Variants in LRRK2 observed in about 807,000 individuals in gnomAD.
LRRK2 encodes the protein leucine rich repeat kinase 2, also known as leucine-rich repeat serine/threonine-protein kinase 2.
Under a neutral mutation model 302.6 loss-of-function variants are expected in LRRK2, and 203 were observed. The ratio of observed to expected loss-of-function variants is 0.67; its 90% CI spans 0.60 to 0.75. The LOEUF (loss-of-function observed/expected upper bound fraction) is 0.75, where lower values mean the gene tolerates loss of function less well. LRRK2 is among the 30% of genes least tolerant of loss of function. The probability of loss-of-function intolerance (pLI) is 0.00; values close to 1 mark genes in which losing one functional copy is unlikely to be tolerated. For missense variants in LRRK2, 2,830 were observed against 2,951.0 expected (o/e 0.96, Z 0.95); for synonymous variants, 1,066 against 1,031.9 (o/e 1.03, Z -0.63).
chr12:40,348,387 A>G (rs200952223), intron 42 of LRRK2, 22 bp from the exon 43 acceptor site: 7 of 1,487,282 alleles, frequency 4.7e-6, no homozygotes, highest in South Asian at 2.3e-5. Context: ...GTATGCTAGC[A>G]TGATGTTTTT....
intron 13 of LRRK2, among the ~76,000 whole-genome samples, chr12:40,263,160 T>G (rs17490817): frequency 2.6e-5 from 4 of 152,164 alleles, no homozygotes; most frequent in African/African-American, 9.7e-5. Flanking sequence ...ACATTATTCA[T>G]TCATAATAAT....
chr12:40,243,420 T>C, intron 6 of LRRK2, 130 bp from the exon 7 acceptor site: 1 of 960,942 alleles, frequency 1.0e-6, no homozygotes, highest in Non-Finnish European at 1.6e-6. Flanking sequence ...TTAAAGAACA[T>C]GATGTTTAAA....
intron 21 of LRRK2, 27 bp from the exon 22 acceptor site, chr12:40,294,818 A>C: frequency 1.3e-5 from 16 of 1,261,498 alleles, no homozygotes; most frequent in Non-Finnish European, 1.8e-5. Context: ...AATGACAGCA[A>C]TTTTATTATA....
At chr12:40,347,060 C>A in intron 42 of LRRK2, 137 bp downstream of exon 42, 2 of 707,058 alleles carry the variant, frequency 2.8e-6, no homozygotes, top group African/African-American at 1.8e-5. Flanking sequence ...ATTCTTAAAT[C>A]TTGTGATATA....
intron 14 of LRRK2, among the ~76,000 whole-genome samples, chr12:40,274,371 T>C (rs1029986333): frequency 1.3e-5 from 2 of 152,232 alleles, no homozygotes; most frequent in African/African-American, 2.4e-5. Flanking sequence ...TTTATTACAA[T>C]GCCTGGCACA....
At chr12:40,365,234 T>C (rs2137051821) in intron 49 of LRRK2, 184 bp downstream of exon 49, 2 of 596,398 alleles carry the variant, frequency 3.4e-6, no homozygotes, top group Non-Finnish European at 2.9e-6. Flanking sequence ...AGGGAGTAAA[T>C]GCTCTCAGTC....
chr12:40,285,996 T>A (rs1943911962), intron 19 of LRRK2, among the ~76,000 whole-genome samples: 2 of 152,158 alleles, frequency 1.3e-5, no homozygotes, highest in Non-Finnish European at 2.9e-5. Context: ...TAAACTAGTC[T>A]TATGCCAAAA....
intron 39 of LRRK2, among the ~76,000 whole-genome samples, chr12:40,333,542 C>G (rs1359230361): frequency 1.3e-5 from 2 of 152,130 alleles, no homozygotes; most frequent in Non-Finnish European, 2.9e-5. Flanking sequence ...GCTGTGAAGT[C>G]TCACATGATG....
chr12:40,295,336 C>G (rs1242346099), intron 22 of LRRK2, 91 bp from the exon 23 acceptor site: 8 of 1,193,760 alleles, frequency 6.7e-6, no homozygotes, highest in Non-Finnish European at 9.7e-6. Context: ...TTGAAGAAAG[C>G]CTGATTGCTA....
At chr12:40,281,669 C>T (rs1017169453) in intron 18 of LRRK2, among the ~76,000 whole-genome samples, 47 of 152,182 alleles carry the variant, frequency 3.1e-4, no homozygotes, top group African/African-American at 9.6e-4. Flanking sequence ...GAAATTAATT[C>T]TTATTTTTGC....
chr12:40,295,869 G>T (rs537243399), intron 23 of LRRK2, among the ~76,000 whole-genome samples: 1 of 152,240 alleles, frequency 6.6e-6, no homozygotes, highest in African/African-American at 2.4e-5. Flanking sequence ...AGGAATTCCA[G>T]GTTCTGTACG....
chr12:40,264,121 CA>C (rs1338962931), intron 14 of LRRK2, among the ~76,000 whole-genome samples: 1 of 152,072 alleles, frequency 6.6e-6, no homozygotes, highest in Admixed American at 6.6e-5. Flanking sequence ...TAGATGTAGG[CA>C]AGATTCTTTT....
chr12:40,343,560 A>G (rs1445876425), intron 41 of LRRK2, among the ~76,000 whole-genome samples: 1 of 152,216 alleles, frequency 6.6e-6, no homozygotes, highest in South Asian at 2.1e-4. Flanking sequence ...GACTTAATTC[A>G]TAAATTTCTC....
chr12:40,235,353 C>A (rs1941402312), intron 3 of LRRK2, among the ~76,000 whole-genome samples: 1 of 152,090 alleles, frequency 6.6e-6, no homozygotes, highest in Non-Finnish European at 1.5e-5. Flanking sequence ...GTACCTGTAT[C>A]CCTAGCAACT....
At chr12:40,235,735 T>C (rs1941420267) in intron 4 of LRRK2, 21 bp downstream of exon 4, 9 of 1,417,344 alleles carry the variant, frequency 6.3e-6, no homozygotes, top group Non-Finnish European at 8.0e-6. Flanking sequence ...TATATGTTTT[T>C]TGTGTTGATT....
chr12:40,311,296 G>A (rs752392332), intron 31 of LRRK2, among the ~76,000 whole-genome samples: 18 of 152,114 alleles, frequency 1.2e-4, no homozygotes, highest in African/African-American at 3.9e-4. Flanking sequence ...TTATCTTCTC[G>A]TAAGCCAAAT....
chr12:40,232,206 A>C, intron 2 of LRRK2, 68 bp from the exon 3 acceptor site: 1 of 1,091,536 alleles, frequency 9.2e-7, no homozygotes, highest in Non-Finnish European at 1.4e-6. Flanking sequence ...GAAGAGATTC[A>C]TGTTTGACTG....
chr12:40,291,230 G>A (rs1944137753), intron 20 of LRRK2, among the ~76,000 whole-genome samples: 1 of 151,322 alleles, frequency 6.6e-6, no homozygotes, highest in Non-Finnish European at 1.5e-5. Context: ...ATTGAACAAT[G>A]AGAACACTTG....
At chr12:40,330,112 A>G (rs1945672501) in intron 39 of LRRK2, among the ~76,000 whole-genome samples, 2 of 152,040 alleles carry the variant, frequency 1.3e-5, no homozygotes, top group South Asian at 4.1e-4. Flanking sequence ...CTCTTTGATT[A>G]CTCTCAATAT....
Sources: allele counts gnomAD v4.1 joint callset (sites outside exome capture counted in the v4.1 genomes callset), GRCh38; gene constraint gnomAD v4.1.1; transcripts MANE v1.5; gene names NCBI Gene and HGNC (gene_info 2026-07-23, HGNC 2026-07-21).